Variants in CLNK observed in about 807,000 individuals in gnomAD.
CLNK encodes cytokine dependent hematopoietic cell linker, also known as cytokine-dependent hematopoietic cell linker.
In CLNK, 74 loss-of-function variants were observed where a neutral mutation model predicts 68.6. The ratio of observed to expected loss-of-function variants is 1.08; its 90% CI spans 0.89 to 1.31. The LOEUF is 1.31. Ranked by LOEUF, CLNK falls within the 50% of genes most tolerant of loss-of-function variation. CLNK has a pLI of 0.00. For missense variants in CLNK, 553 were observed against 515.3 expected (o/e 1.07, Z -0.71); for synonymous variants, 198 against 172.2 (o/e 1.15, Z -1.17).
At chr4:10,726,615 C>T in the CLNK span, among the ~76,000 whole-genome samples, 30 of 152,230 alleles carry the variant, frequency 2.0e-4, no homozygotes, top group African/African-American at 6.7e-4. Context: ...CATAATTAAC[C>T]CATAACAGGG....
intron 1 of CLNK, among the ~76,000 whole-genome samples, chr4:10,668,345 T>C (rs1308955872): frequency 6.6e-6 from 1 of 152,208 alleles, no homozygotes; most frequent in Non-Finnish European, 1.5e-5. Context: ...TCACTTTACG[T>C]AGAATGCAAC....
At chr4:10,667,810 C>A in intron 2 of CLNK, 49 bp downstream of exon 2, 1 of 1,536,654 alleles carries the variant, frequency 6.5e-7, no homozygotes, top group Non-Finnish European at 8.8e-7. Context: ...ACCTCCTGTC[C>A]CCACCAAGAA....
At chr4:10,491,030 G>A (rs577685428) in intron 18 of CLNK, among the ~76,000 whole-genome samples, 1 of 152,362 alleles carries the variant, frequency 6.6e-6, no homozygotes, top group East Asian at 1.9e-4. Context: ...ATCCCAAAGT[G>A]CTGGGATTAC....
In CLNK at chr4:10,507,290, T is replaced by G. The variant is rs562509637; in HGVS notation, c.984+669A>C. Among the ~76,000 whole-genome samples the G allele has an allele frequency of 1.1e-4, 17 of 151,012 alleles. No homozygotes were observed. In the South Asian group the frequency reaches 3.6e-3, roughly 32 times the overall value. Reference sequence around the variant, plus strand: ...CCACGCCTGGCTAATTTTTGTATTTTTAGTAGAGATGAGGTTTCACCATGT... The same window carrying G: ...CCACGCCTGGCTAATTTTTGTATTTGTAGTAGAGATGAGGTTTCACCATGT... On this transcript the variant is annotated intron_variant, in intron 17 of 18. Transcript: ENST00000226951.
intron 18 of CLNK, among the ~76,000 whole-genome samples, chr4:10,499,725 C>A (rs1380944544): frequency 6.6e-6 from 1 of 152,178 alleles, no homozygotes; most frequent in Admixed American, 6.5e-5. Context: ...TCGCAGTTCT[C>A]GAGGCTGAAG....
intron 14 of CLNK, among the ~76,000 whole-genome samples, chr4:10,523,546 A>T (rs1387370040): frequency 6.6e-6 from 1 of 152,226 alleles, no homozygotes; most frequent in Admixed American, 6.5e-5. Flanking sequence ...AATTAGAAGA[A>T]GCAGCAGCCA....
intron 2 of CLNK, among the ~76,000 whole-genome samples, chr4:10,655,358 G>A (rs974318373): frequency 5.1e-5 from 5 of 98,186 alleles, no homozygotes; most frequent in Admixed American, 9.5e-5. Flanking sequence ...GAGAGAGAGA[G>A]AGAGAGAGAG....
intron 18 of CLNK, among the ~76,000 whole-genome samples, chr4:10,498,040 A>G (rs1480391294): frequency 6.6e-6 from 1 of 152,208 alleles, no homozygotes; most frequent in Admixed American, 6.5e-5. Flanking sequence ...TATTAAAAAT[A>G]CAAAATTAGC....
chr4:10,714,325 C>T, the CLNK span, among the ~76,000 whole-genome samples: 1 of 152,300 alleles, frequency 6.6e-6, no homozygotes, highest in East Asian at 1.9e-4. Context: ...AGGGAAATAA[C>T]TACCCTCCAT....
At chr4:10,700,827 T>G in the CLNK span, among the ~76,000 whole-genome samples, 1 of 152,298 alleles carries the variant, frequency 6.6e-6, no homozygotes, top group Admixed American at 6.5e-5. Flanking sequence ...AATACACAAG[T>G]GCCGTTGTGA....
chr4:10,656,308 T>C lies in CLNK; in HGVS notation c.11+11551A>G, dbSNP rs117819715. On this transcript the variant is annotated intron_variant, in intron 2 of 18. Coordinates refer to ENST00000226951, the MANE Select transcript of CLNK (RefSeq NM_052964.4). ...TAAATAAATAATGCATACAAATCAA[T>C]ATGAAAACGACAAATGCCTGACCAA... Among the ~76,000 whole-genome samples the C allele has an allele frequency of 6.8e-5, 5 of 74,032 alleles. No individual in the cohort carries two copies. In the East Asian group the frequency reaches 1.1e-3, roughly 16 times the overall value. 48.6% of individuals were successfully genotyped at this position (74,032 alleles called of 152,430 possible).
At chr4:10,642,858 G>C (rs1723364189) in intron 2 of CLNK, among the ~76,000 whole-genome samples, 1 of 152,128 alleles carries the variant, frequency 6.6e-6, no homozygotes, top group African/African-American at 2.4e-5. Flanking sequence ...GTAAAATAGT[G>C]AACACTGATG....
chr4:10,595,344 T>C (rs1480208049), intron 3 of CLNK, among the ~76,000 whole-genome samples: 1 of 152,236 alleles, frequency 6.6e-6, no homozygotes, highest in African/African-American at 2.4e-5. Flanking sequence ...TCGGATTTAA[T>C]TGACAAATAT....
the CLNK span, among the ~76,000 whole-genome samples, chr4:10,712,858 C>T: frequency 6.6e-6 from 1 of 152,176 alleles, no homozygotes; most frequent in Non-Finnish European, 1.5e-5. Flanking sequence ...AGACATGTGG[C>T]CCATACCAAG....
At chr4:10,664,570 A>C (rs1322390076) in intron 2 of CLNK, among the ~76,000 whole-genome samples, 1 of 152,070 alleles carries the variant, frequency 6.6e-6, no homozygotes, top group Non-Finnish European at 1.5e-5. Flanking sequence ...GGTGCTGGGA[A>C]CTCCTGTTCT....
chr4:10,731,917 G>A, the CLNK span, among the ~76,000 whole-genome samples: 19 of 152,154 alleles, frequency 1.2e-4, no homozygotes, highest in African/African-American at 4.3e-4. Flanking sequence ...GATTAGCAAC[G>A]GTCTCTCTGA....
At chr4:10,699,494 C>CTCTCTCTA in the CLNK span, among the ~76,000 whole-genome samples, 10 of 56,988 alleles carry the variant, frequency 1.8e-4, no homozygotes, top group South Asian at 7.6e-4. Flanking sequence ...CTCTCTCTCT[C>CTCTCTCTA]TATATATATA....
chr4:10,505,734 C>T (rs1047847175), intron 17 of CLNK, among the ~76,000 whole-genome samples: 2 of 152,160 alleles, frequency 1.3e-5, no homozygotes, highest in African/African-American at 4.8e-5. Context: ...TGTGATTATA[C>T]TGAGCCCCCC....
intron 2 of CLNK, among the ~76,000 whole-genome samples, chr4:10,657,229 C>T (rs1232348482): frequency 6.6e-6 from 1 of 152,218 alleles, no homozygotes; most frequent in East Asian, 1.9e-4. Context: ...TCTCAAAACC[C>T]AGCAAAACCA....
Sources: allele counts gnomAD v4.1 joint callset (sites outside exome capture counted in the v4.1 genomes callset), GRCh38; gene constraint gnomAD v4.1.1; transcripts MANE v1.5; gene names NCBI Gene and HGNC (gene_info 2026-07-23, HGNC 2026-07-21).